The following VPS33B variants were observed in gnomAD, a reference collection of about 807,000 sequenced individuals.
The protein encoded by VPS33B is vacuolar protein sorting-associated protein 33B.
A neutral mutation model predicts 95.3 loss-of-function variants in VPS33B; 80 were observed. The ratio of observed to expected loss-of-function variants is 0.84; its 90% CI spans 0.70 to 1.01. The LOEUF (loss-of-function observed/expected upper bound fraction) is 1.01. VPS33B is among the 50% of genes least tolerant of loss of function. The probability of loss-of-function intolerance (pLI) is 0.00; values close to 1 mark genes in which losing one functional copy is unlikely to be tolerated. For missense variants in VPS33B, 715 were observed against 773.4 expected, an observed-to-expected ratio of 0.92 and a Z score of 0.90; for synonymous variants, 280 against 280.4, an observed-to-expected ratio of 1.00 and a Z score of 0.01.
At chr15:91,004,223 A>T (rs1391795917) in intron 16 of VPS33B, among the ~76,000 whole-genome samples, 3 of 107,462 alleles carry the variant, frequency 2.8e-5, no homozygotes, top group African/African-American at 7.8e-5. Flanking sequence ...ACTCTGTCTT[A>T]AAAAAAAAAA....
chr15:91,003,436 C>CATTTATTT (rs200047666), intron 16 of VPS33B, among the ~76,000 whole-genome samples: 8 of 152,002 alleles, frequency 5.3e-5, no homozygotes, highest in African/African-American at 1.9e-4. Context: ...ACGACTCATG[C>CATTTATTT]ATTTATTTAT....
Position 91,015,936 on chromosome 15 carries a change from A to AT in VPS33B, c.239+1026dup, listed in dbSNP as rs1223465868. Among the ~76,000 whole-genome samples, 1 of 152,160 alleles carries AT rather than the reference A, an allele frequency of 6.6e-6. No individual in the cohort carries two copies. Among genetic ancestry groups the AT allele is most frequent in the Non-Finnish European group, 1.5e-5 (1 of 68,040 alleles). On this transcript the variant is annotated intron_variant, in intron 3 of 22. Coordinates refer to ENST00000333371, the MANE Select transcript of VPS33B (RefSeq NM_018668.5). This position sits in a 1 kb window ranked among gnomAD's most constrained non-coding sequence, Gnocchi z 4.7. ...ATATATTCTCCATGTATCCAGGAGA[A>AT]TTTTTTCTTCTAAGAAAGCATGTAC...
rs2040988730 is a variant in VPS33B at position 91,017,874 on chromosome 15, T to A, written c.108A>T (p.Lys36Asn). ...GATCTGCCTCAATGAATAAATCCTT[T>A]TTTCCAGGAAGCTGAAGGAGACACA... ...LIYLLEQLPG[K>N]KDLFIEADLM... The change falls in exon 2 of 23, where the codon AAA becomes AAT. Residue 36 changes from lysine to asparagine, a missense_variant. Lys to Asn is a moderately conservative substitution (Grantham distance 94, BLOSUM62 0). Coordinates refer to ENST00000333371, the MANE Select transcript of VPS33B (RefSeq NM_018668.5). 11 of 1,614,062 alleles carry A rather than the reference T, an allele frequency of 6.8e-6. No individual in the cohort carries two copies. The highest frequency in any genetic ancestry group is 8.5e-6 in the Non-Finnish European group (10 of 1,179,972).
At position 91,002,105 on chromosome 15, in the gene VPS33B, G is replaced by A. The variant is rs142261328; in HGVS notation, c.1350C>T (p.Asp450=). The change falls in exon 18 of 23, where the codon GAC becomes GAT. Residue 450 remains aspartate, a synonymous_variant. Coordinates refer to ENST00000333371, the MANE Select transcript of VPS33B (RefSeq NM_018668.5). The surrounding 1 kb of genome is among the most constrained non-coding windows in gnomAD (Gnocchi z 4.7). The stretch of plus-strand genomic sequence containing the variant: ...CTTTACTCTCCACGGCTGTGAGGGT[G>A]TCCCCGGGGGCCTGCTCCGTTAGGA... ...AGLLTEQAPG[D]TLTAVESKVS... is the part of the protein sequence containing the mutation. 1.9e-6 allele frequency: 3 copies of A among 1,614,198 alleles called. No homozygotes were observed.
intron 16 of VPS33B, 69 bp from the exon 17 acceptor site, chr15:91,003,200 TC>T (rs1347454552): frequency 6.7e-7 from 1 of 1,498,674 alleles, no homozygotes; most frequent in Non-Finnish European, 9.3e-7. Flanking sequence ...AATGTACAGA[TC>T]AACCAGCAAC....
rs1345161233 is a variant in VPS33B, at chr15:91,010,497, A to C, written c.358-651T>G. On this transcript the variant is annotated intron_variant, in intron 5 of 22. Coordinates refer to ENST00000333371, the MANE Select transcript of VPS33B (RefSeq NM_018668.5). The surrounding 1 kb of genome is among the most constrained non-coding windows in gnomAD (Gnocchi z 5.7). ...TGTGCCTGTAGTCCAGTTACTCAGG[A>C]GGCTGAGGTGGGAGGATCACTTGAG... 2.0e-5 allele frequency among the ~76,000 whole-genome samples: 3 copies of C among 152,198 alleles called. No homozygotes were observed. Among genetic ancestry groups the C allele is most frequent in the African/African-American group, 7.2e-5 (3 of 41,448 alleles).
chr15:91,014,581 T>G, intron 3 of VPS33B, 148 bp from the exon 4 acceptor site: 3 of 849,226 alleles, frequency 3.5e-6, no homozygotes, highest in Non-Finnish European at 5.9e-6. Flanking sequence ...TGGTCCACCA[T>G]ATACCAACCA....
In VPS33B at chr15:91,005,675, C is replaced by T. The variant is rs2040581272; in HGVS notation, c.1030+19G>A. The T allele has an allele frequency of 1.9e-6, 3 of 1,614,056 alleles. No homozygotes were observed. The highest frequency in any genetic ancestry group is 2.5e-6 in the Non-Finnish European group (3 of 1,179,948). ...GGGACACAGTCACTTCCCCTCACGC[C>T]CCTCAAGCTGAAACCTACGGAGACT... On this transcript the variant is annotated intron_variant, in intron 13 of 22. Coordinates refer to ENST00000333371, the MANE Select transcript of VPS33B (RefSeq NM_018668.5). The surrounding 1 kb of genome is among the most constrained non-coding windows in gnomAD (Gnocchi z 6.4).
chr15:91,013,689 G>T lies in VPS33B; in HGVS notation c.357+115C>A. On this transcript the variant is annotated intron_variant, in intron 5 of 22. Transcript: ENST00000333371. The surrounding 1 kb of genome is among the most constrained non-coding windows in gnomAD (Gnocchi z 4.5). ...TAAATTACCTAGTCTCAGGTATTCT[G>T]TTACAGCAACAGAAAACGAACGGAG... 5 of 1,080,290 alleles carry T rather than the reference G, an allele frequency of 4.6e-6. No homozygotes were observed. The highest frequency in any genetic ancestry group is 7.1e-6 in the Non-Finnish European group (5 of 700,900). The allele number at this position is 1,080,290 out of a possible 1,614,324, so 66.9% of individuals were successfully genotyped here.
Position 91,009,726 on chromosome 15 carries a change from G to T in VPS33B, c.403+75C>A. 1.3e-6 allele frequency: 2 copies of T among 1,520,834 alleles called. No individual in the cohort carries two copies. The highest frequency in any genetic ancestry group is 9.0e-7 in the Non-Finnish European group (1 of 1,106,516). 94.2% of individuals were successfully genotyped at this position (1,520,834 alleles called of 1,614,324 possible). Reference sequence around the variant, plus strand: ...GAGCTGGTGGTGGGGGTGGGGTGGGGGGGTTGGAGAACAACAACAGTTTTT... The same window carrying T: ...GAGCTGGTGGTGGGGGTGGGGTGGGTGGGTTGGAGAACAACAACAGTTTTT... On this transcript the variant is annotated intron_variant, in intron 6 of 22. Coordinates refer to ENST00000333371, the MANE Select transcript of VPS33B (RefSeq NM_018668.5). The surrounding 1 kb of genome is among the most constrained non-coding windows in gnomAD (Gnocchi z 4.1).
intron 16 of VPS33B, among the ~76,000 whole-genome samples, chr15:91,003,607 T>G (rs1390132946): frequency 6.6e-6 from 1 of 151,978 alleles, no homozygotes; most frequent in Non-Finnish European, 1.5e-5. Context: ...ACCTGGCTAA[T>G]TTTTGTATTT....
rs1054432437 is a variant in VPS33B, at chr15:91,009,671, C to T, written c.403+130G>A. ...TTCTCAGGAACCTCTCCTCCTGCTA[C>T]ACTAACAGGAATAAGACCAGGAAAA... On this transcript the variant is annotated intron_variant, in intron 6 of 22. Transcript: ENST00000333371. The surrounding 1 kb of genome is among the most constrained non-coding windows in gnomAD (Gnocchi z 4.1). 24 of 954,022 alleles carry T rather than the reference C, an allele frequency of 2.5e-5. No homozygotes were observed. The highest frequency in any genetic ancestry group is 3.2e-4 in the Middle Eastern group (1 of 3,084). 59.1% of individuals were successfully genotyped at this position (954,022 alleles called of 1,614,324 possible).
chr15:90,998,964 C>CGGGAAAAACA lies in VPS33B; in HGVS notation c.*1_*10dup. On this transcript the variant is annotated 3_prime_UTR_variant, in exon 23 of 23. Coordinates refer to ENST00000333371, the MANE Select transcript of VPS33B (RefSeq NM_018668.5). This position sits in a 1 kb window ranked among gnomAD's most constrained non-coding sequence, Gnocchi z 4.8. Reference sequence around the variant, plus strand: ...GTTCAGGGAAGATGTCAACACTGGCCGGGAAAAACATCAGGCTTTCACCTC... The same window carrying CGGGAAAAACA: ...GTTCAGGGAAGATGTCAACACTGGCCGGGAAAAACAGGGAAAAACATCAGGCTTTCACCTC... 6.2e-7 allele frequency: 1 copy of CGGGAAAAACA among 1,613,872 alleles called. No individual in the cohort carries two copies. Among genetic ancestry groups the CGGGAAAAACA allele is most frequent in the South Asian group, 1.1e-5 (1 of 90,980 alleles).
Position 91,002,054 on chromosome 15 carries a change from A to G in VPS33B, c.1401T>C (p.Ala467=). Residue 467 remains alanine, a synonymous_variant, in exon 18 of 23, where the codon GCT becomes GCC. Coordinates refer to ENST00000333371, the MANE Select transcript of VPS33B (RefSeq NM_018668.5). This position sits in a 1 kb window ranked among gnomAD's most constrained non-coding sequence, Gnocchi z 4.7. Reference sequence around the variant, plus strand: ...TCACTTGTGCTCCCTGCTTACCTGCAGCCTTGTCGGTCACCAGCTTGCTCA... The same window carrying G: ...TCACTTGTGCTCCCTGCTTACCTGCGGCCTTGTCGGTCACCAGCTTGCTCA... ...SKVSKLVTDK[A]AGKITDAFSS... is the part of the protein sequence containing the mutation. 1 of 1,613,972 alleles carries G rather than the reference A, an allele frequency of 6.2e-7. No homozygotes were observed. The highest frequency in any genetic ancestry group is 1.1e-5 in the South Asian group (1 of 91,062).
Position 91,007,416 on chromosome 15 carries a change from C to T in VPS33B, c.603+53G>A. 1.3e-6 allele frequency: 2 copies of T among 1,556,338 alleles called. No homozygotes were observed. The highest frequency in any genetic ancestry group is 8.9e-7 in the Non-Finnish European group (1 of 1,127,500). On this transcript the variant is annotated intron_variant, in intron 8 of 22. Coordinates refer to ENST00000333371, the MANE Select transcript of VPS33B (RefSeq NM_018668.5). This position sits in a 1 kb window ranked among gnomAD's most constrained non-coding sequence, Gnocchi z 5.3. The stretch of plus-strand genomic sequence containing the variant: ...GCCCTTGGATAACCCCAGGAGGGTA[C>T]AGAACAGGGAAAACAGCGTCTGCTG...
At chr15:91,021,970 T>C (rs2041115365) in intron 1 of VPS33B, among the ~76,000 whole-genome samples, 184 bp downstream of exon 1, 1 of 152,126 alleles carries the variant, frequency 6.6e-6, no homozygotes, top group African/African-American at 2.4e-5. Flanking sequence ...TGATTTCCAT[T>C]AACTCTCTGG....
rs529758318 is a variant in VPS33B, at chr15:91,004,129, T to G, written c.1225+748A>C. Among the ~76,000 whole-genome samples the G allele has an allele frequency of 2.0e-5, 3 of 149,532 alleles. No homozygotes were observed. The East Asian group carries it at 5.9e-4, about 30-fold the overall frequency. On this transcript the variant is annotated intron_variant, in intron 16 of 22. Transcript: ENST00000333371. ...GTCACAGCTACTTGAGAGGCTGAGGTGAGAAATCGCTTCAACCTGGGAGGT... is the reference window on the plus strand; with the variant it reads ...GTCACAGCTACTTGAGAGGCTGAGGGGAGAAATCGCTTCAACCTGGGAGGT...
Position 91,002,093 on chromosome 15 carries a change from G to C in VPS33B, c.1362C>G (p.Ala454=). Residue 454 remains alanine (A), a synonymous_variant, in exon 18 of 23, where the codon GCC becomes GCG. Transcript: ENST00000333371. The surrounding 1 kb of genome is among the most constrained non-coding windows in gnomAD (Gnocchi z 4.7). The stretch of plus-strand genomic sequence containing the variant: ...CCAGCTTGCTCACTTTACTCTCCAC[G>C]GCTGTGAGGGTGTCCCCGGGGGCCT... The part of the protein sequence containing the change: ...TEQAPGDTLT[A]VESKVSKLVT... The C allele has an allele frequency of 2.5e-6, 4 of 1,614,118 alleles. No individual in the cohort carries two copies. The highest frequency in any genetic ancestry group is 1.1e-5 in the South Asian group (1 of 91,078).
In VPS33B at chr15:91,002,633, A is replaced by G. The variant is rs1369314358; in HGVS notation, c.1273-451T>C. 7.0e-6 allele frequency among the ~76,000 whole-genome samples: 1 copy of G among 143,418 alleles called. No homozygotes were observed. Among genetic ancestry groups the G allele is most frequent in the African/African-American group, 2.7e-5 (1 of 36,938 alleles). The allele number at this position is 143,418 out of a possible 152,430, so 94.1% of individuals were successfully genotyped here. A position where few individuals can be genotyped will look rare whatever the true frequency, so the allele number is the denominator to read the frequency against. On this transcript the variant is annotated intron_variant, in intron 17 of 22. Transcript: ENST00000333371. This position sits in a 1 kb window ranked among gnomAD's most constrained non-coding sequence, Gnocchi z 4.7. ...CAACAGAGCGAGACATCGTCTCGAA[A>G]TAAAAAAAAAAAAAAAAAGAAAAGA... is the stretch of plus-strand genomic sequence containing the variant.
Sources: allele counts gnomAD v4.1 joint callset (sites outside exome capture counted in the v4.1 genomes callset), GRCh38; gene constraint gnomAD v4.1.1; non-coding constraint Gnocchi (gnomAD v3.1); transcripts MANE v1.5; gene names NCBI Gene and HGNC (gene_info 2026-07-23, HGNC 2026-07-21).